Variants in SUPT3H observed in about 807,000 individuals in gnomAD.
The protein encoded by SUPT3H is transcription initiation protein SPT3 homolog.
Under a neutral mutation model 44.3 loss-of-function variants are expected in SUPT3H, and 44 were observed. That is an observed-to-expected ratio of 0.99 (90% CI 0.78 to 1.28). The LOEUF is 1.28. SUPT3H is among the 50% of genes most tolerant of loss of function. SUPT3H has a pLI of 0.00. For synonymous variants in SUPT3H, 124 were observed against 125.6 expected, an observed-to-expected ratio of 0.99 and a Z score of 0.09; for missense variants, 380 against 387.1, an observed-to-expected ratio of 0.98 and a Z score of 0.15.
intron 10 of SUPT3H, among the ~76,000 whole-genome samples, chr6:44,902,750 C>A (rs534468571): frequency 2.0e-5 from 3 of 152,210 alleles, no homozygotes; most frequent in African/African-American, 7.2e-5. Context: ...CCACACTGCA[C>A]TTACTCCAAA....
At chr6:45,087,500 T>C (rs1033590892) in intron 3 of SUPT3H, among the ~76,000 whole-genome samples, 1 of 151,866 alleles carries the variant, frequency 6.6e-6, no homozygotes, top group African/African-American at 2.4e-5. Context: ...GTTTTCTCTA[T>C]AGACTTTTGA....
At chr6:44,865,896 C>T (rs558523862) in intron 10 of SUPT3H, among the ~76,000 whole-genome samples, 1 of 152,224 alleles carries the variant, frequency 6.6e-6, no homozygotes, top group South Asian at 2.1e-4. Flanking sequence ...GGAGAGGACT[C>T]AAGATGGGGG....
chr6:44,934,136 ATAAT>A (rs936457317), intron 9 of SUPT3H, among the ~76,000 whole-genome samples: 4 of 152,252 alleles, frequency 2.6e-5, no homozygotes, highest in South Asian at 4.2e-4. Flanking sequence ...TATTTTTTTG[ATAAT>A]TAATACATTT....
chr6:45,008,689 G>C (rs12196188), intron 5 of SUPT3H, among the ~76,000 whole-genome samples: 31,292 of 151,844 alleles, frequency 0.21, 3,926 homozygotes, highest in Non-Finnish European at 0.29. Context: ...TCATCCTAGT[G>C]GGTGTGGAGT....
chr6:44,939,225 A>G (rs1017089920), intron 9 of SUPT3H, among the ~76,000 whole-genome samples: 5 of 152,078 alleles, frequency 3.3e-5, no homozygotes, highest in African/African-American at 1.2e-4. Flanking sequence ...GGCCTTTACT[A>G]CTGTGAGGTA....
intron 6 of SUPT3H, among the ~76,000 whole-genome samples, chr6:44,978,282 C>T (rs558453365): frequency 1.3e-5 from 2 of 152,264 alleles, no homozygotes; most frequent in African/African-American, 2.4e-5. Context: ...TATGTTATCA[C>T]AAATCCTTCC....
intron 10 of SUPT3H, among the ~76,000 whole-genome samples, chr6:44,919,786 C>T (rs1458641009): frequency 1.3e-5 from 2 of 152,206 alleles, no homozygotes; most frequent in Non-Finnish European, 2.9e-5. Flanking sequence ...TTTAGCCTCT[C>T]GCCTGCAATA....
chr6:44,882,212 G>A (rs1235585794), intron 10 of SUPT3H, among the ~76,000 whole-genome samples: 1 of 152,140 alleles, frequency 6.6e-6, no homozygotes, highest in Non-Finnish European at 1.5e-5. Context: ...TATTACCACG[G>A]ATCCCACATA....
chr6:44,953,258 G>A, intron 9 of SUPT3H, 52 bp downstream of exon 9: 3 of 1,354,380 alleles, frequency 2.2e-6, no homozygotes, highest in Non-Finnish European at 3.2e-6. Flanking sequence ...GTAAATACCA[G>A]ATATGTGTCA....
chr6:44,879,397 C>T (rs1582162822), intron 10 of SUPT3H, among the ~76,000 whole-genome samples: 1 of 152,336 alleles, frequency 6.6e-6, no homozygotes, highest in African/African-American at 2.4e-5. Context: ...CTGGGCAGGG[C>T]ATCTCTGAAA....
intron 3 of SUPT3H, among the ~76,000 whole-genome samples, chr6:45,032,195 A>C (rs1167411306): frequency 1.3e-5 from 2 of 152,160 alleles, no homozygotes; most frequent in African/African-American, 4.8e-5. Context: ...TTGCATAGGA[A>C]AACCAATACA....
intron 2 of SUPT3H, among the ~76,000 whole-genome samples, chr6:45,204,474 T>G (rs1036792467): frequency 2.0e-5 from 3 of 152,130 alleles, no homozygotes; most frequent in Admixed American, 6.5e-5. Context: ...GAATCTACTT[T>G]GGTGATTTCT....
At chr6:45,119,584 G>A (rs1291467413) in intron 2 of SUPT3H, among the ~76,000 whole-genome samples, 1 of 152,144 alleles carries the variant, frequency 6.6e-6, no homozygotes, top group Non-Finnish European at 1.5e-5. Flanking sequence ...TGTTGGATGA[G>A]CACAGATGGC....
At chr6:44,909,406 T>C (rs1357865422) in intron 10 of SUPT3H, among the ~76,000 whole-genome samples, 2 of 152,186 alleles carry the variant, frequency 1.3e-5, no homozygotes, top group East Asian at 1.9e-4. Context: ...TCATTTTCTA[T>C]ATGAAATTCT....
At chr6:45,225,046 AG>A (rs1766703617) in intron 2 of SUPT3H, among the ~76,000 whole-genome samples, 1 of 152,060 alleles carries the variant, frequency 6.6e-6, no homozygotes, top group Non-Finnish European at 1.5e-5. Context: ...TAGGAGGCCA[AG>A]GTGGGTGGAT....
In SUPT3H at chr6:44,937,833, T is replaced by C. The variant is rs538724769; in HGVS notation, c.802-5070A>G. 2.6e-5 allele frequency among the ~76,000 whole-genome samples: 4 copies of C among 152,050 alleles called. No homozygotes were observed. In the South Asian group the frequency reaches 6.2e-4, roughly 24 times the overall value. Reference sequence around the variant, plus strand: ...TTGAGTTCCTTGTAAATTCTGGCTGTTAGTCCCCTGTCGGATGCACAATTT... The same window carrying C: ...TTGAGTTCCTTGTAAATTCTGGCTGCTAGTCCCCTGTCGGATGCACAATTT... On this transcript the variant is annotated intron_variant, in intron 9 of 10. Transcript: ENST00000371459.
chr6:45,338,294 T>C (rs1429447597), intron 2 of SUPT3H, among the ~76,000 whole-genome samples: 1 of 151,974 alleles, frequency 6.6e-6, no homozygotes, highest in African/African-American at 2.4e-5. Context: ...TGCAGATTGT[T>C]CTCTCAAAAA....
chr6:45,226,704 A>C (rs1187971055), intron 2 of SUPT3H, among the ~76,000 whole-genome samples: 1 of 152,084 alleles, frequency 6.6e-6, no homozygotes, highest in Non-Finnish European at 1.5e-5. Context: ...GCTAATTTTT[A>C]TATTTTAGTA....
chr6:44,923,095 T>C (rs977062542), intron 10 of SUPT3H, among the ~76,000 whole-genome samples: 6 of 152,140 alleles, frequency 3.9e-5, no homozygotes, highest in African/African-American at 1.4e-4. Context: ...TTGGTATAAA[T>C]TACCCCTTTC....
Sources: gnomAD v4.1 joint callset for allele counts (sites outside exome capture counted in the v4.1 genomes callset) on GRCh38, gnomAD v4.1.1 for gene constraint, MANE v1.5 for transcripts, NCBI Gene and HGNC (gene_info 2026-07-23, HGNC 2026-07-21) for gene names.